CREBBP: variants seen among roughly 807,000 people sequenced by gnomAD.
CREBBP encodes CREB binding lysine acetyltransferase.
A neutral mutation model predicts 265.0 loss-of-function variants in CREBBP; 19 were observed. The ratio of observed to expected loss-of-function variants is 0.07; its 90% CI spans 0.05 to 0.11. CREBBP has a LOEUF of 0.11. Among genes scored for constraint, CREBBP ranks in the 10% least tolerant of loss-of-function variants. The pLI is 1.00. For synonymous variants in CREBBP, 1,457 were observed against 1,223.7 expected (o/e 1.19, Z -3.98); for missense variants, 2,525 against 3,219.0 (o/e 0.78, Z 5.22).
At chr16:3,843,160 G>A (rs1351817485) in intron 2 of CREBBP, among the ~76,000 whole-genome samples, 1 of 152,144 alleles carries the variant, frequency 6.6e-6, no homozygotes, top group East Asian at 1.9e-4. Context: ...TTGCATTAGT[G>A]TTAACAGGCC....
At chr16:3,737,458 T>G (rs927677527) in intron 26 of CREBBP, among the ~76,000 whole-genome samples, 2 of 150,648 alleles carry the variant, frequency 1.3e-5, no homozygotes, top group Non-Finnish European at 3.0e-5. Flanking sequence ...CTTTTTTCTT[T>G]TTTTTTTTTT....
intron 24 of CREBBP, among the ~76,000 whole-genome samples, chr16:3,739,955 C>T (rs999390406): frequency 2.0e-5 from 3 of 152,324 alleles, no homozygotes; most frequent in African/African-American, 7.2e-5. Flanking sequence ...GAATGAAATA[C>T]GGGATTCTGA....
At position 3,756,654 on chromosome 16, in the gene CREBBP, T is replaced by A. The variant is rs13329840; in HGVS notation, c.3698+634A>T. On this transcript the variant is annotated intron_variant, in intron 19 of 30. Transcript: ENST00000262367. ...TTGTATCGTGCTGCTAGTGTAAAAT[T>A]TAAAAATAAAGATCATGGACCCTTT... Among the ~76,000 whole-genome samples the A allele has an allele frequency of 5.0e-3, 769 of 152,278 alleles. 9 individuals are homozygous for A. Among genetic ancestry groups the A allele is most frequent in the African/African-American group, 0.017 (725 of 41,568 alleles).
intron 23 of CREBBP, among the ~76,000 whole-genome samples, chr16:3,744,172 T>C (rs1446930498): frequency 6.6e-6 from 1 of 152,180 alleles, no homozygotes; most frequent in Non-Finnish European, 1.5e-5. Context: ...TGCAGTAACA[T>C]GTCCAGCCAA....
chr16:3,750,303 T>C (rs2052444403), intron 20 of CREBBP, among the ~76,000 whole-genome samples: 1 of 152,174 alleles, frequency 6.6e-6, no homozygotes, highest in Admixed American at 6.5e-5. Context: ...TTCAGTCACT[T>C]TGGTTTGTTT....
intron 5 of CREBBP, among the ~76,000 whole-genome samples, chr16:3,790,635 C>A (rs1452660864): frequency 6.6e-6 from 1 of 152,108 alleles, no homozygotes; most frequent in African/African-American, 2.4e-5. Context: ...CAGGCGTGAG[C>A]CATTGCGCCT....
Position 3,725,073 on chromosome 16 carries a change from A to G in CREBBP, c.*2645T>C, listed in dbSNP as rs2051708095. On this transcript the variant is annotated 3_prime_UTR_variant, in exon 31 of 31. Transcript: ENST00000262367. ...ACCATCTTTGAATCCAAGTAGTTTTACCATCTTTTATTATAAACACCATCA... is the reference window on the plus strand; with the variant it reads ...ACCATCTTTGAATCCAAGTAGTTTTGCCATCTTTTATTATAAACACCATCA... 8.6e-6 allele frequency: 2 copies of G among 231,676 alleles called. No homozygotes were observed. The highest frequency in any genetic ancestry group is 1.7e-5 in the Non-Finnish European group (2 of 116,834). The allele number at this position is 231,676 out of a possible 1,614,324, so 14.4% of individuals were successfully genotyped here.
At chr16:3,772,301 TA>T (rs149094030) in intron 13 of CREBBP, among the ~76,000 whole-genome samples, 7,744 of 145,730 alleles carry the variant, frequency 0.053, 488 homozygotes, top group African/African-American at 0.15. Flanking sequence ...ATTAAAAATT[TA>T]AAAAAAAAAT....
At chr16:3,829,047 T>A (rs1488407105) in intron 2 of CREBBP, among the ~76,000 whole-genome samples, 3 of 150,156 alleles carry the variant, frequency 2.0e-5, no homozygotes, top group African/African-American at 7.5e-5. Context: ...TACATAATTT[T>A]GAAAAATGCA....
At chr16:3,813,063 A>T (rs2053968379) in intron 2 of CREBBP, 1 of 228,854 alleles carries the variant, frequency 4.4e-6, no homozygotes, top group Admixed American at 5.7e-5. Context: ...TTCAGCTCTA[A>T]AAGTCTAGGC....
In CREBBP at chr16:3,728,423, TTGTTGCTGCTGC is replaced by T. The variant is rs750150018; in HGVS notation, c.6612_6623del (p.Gln2213_Gln2216del). The T allele has an allele frequency of 1.6e-4, 261 of 1,612,542 alleles. No homozygotes were observed. Among genetic ancestry groups the T allele is most frequent in the South Asian group, 4.7e-4 (43 of 90,932 alleles). ...CTTGCTGCTGCTGCTGTTGCTGCTGTTGTTGCTGCTGCTGTTGCTGCTGCTGCTGCAGCAGCT... is the reference window on the plus strand; with the variant it reads ...CTTGCTGCTGCTGCTGTTGCTGCTGTTGTTGCTGCTGCTGCTGCAGCAGCT... On this transcript the variant is annotated inframe_deletion, in exon 31 of 31. Coordinates refer to ENST00000262367, the MANE Select transcript of CREBBP (RefSeq NM_004380.3). This position sits in a 1 kb window ranked among gnomAD's most constrained non-coding sequence, Gnocchi z 8.7.
chr16:3,734,072 C>T (rs1287319541), intron 28 of CREBBP, among the ~76,000 whole-genome samples: 1 of 152,172 alleles, frequency 6.6e-6, no homozygotes, highest in African/African-American at 2.4e-5. Flanking sequence ...TGGAGCTTTC[C>T]CTGGGCACAT....
chr16:3,747,404 T>A (rs1029451058), intron 21 of CREBBP, among the ~76,000 whole-genome samples: 5 of 152,244 alleles, frequency 3.3e-5, no homozygotes, highest in Non-Finnish European at 7.3e-5. Flanking sequence ...TGTTCTTTCA[T>A]GCCTTTGTTT....
intron 21 of CREBBP, among the ~76,000 whole-genome samples, chr16:3,748,416 C>T (rs1055742988): frequency 6.6e-6 from 1 of 152,228 alleles, no homozygotes. Context: ...GGTGGGCGCT[C>T]TGCCCTGGCA....
chr16:3,762,435 C>T (rs1383102803), intron 16 of CREBBP, among the ~76,000 whole-genome samples: 2 of 145,838 alleles, frequency 1.4e-5, no homozygotes, highest in Non-Finnish European at 3.0e-5. Flanking sequence ...GCAATCTCGG[C>T]CCCCAAAGTG....
chr16:3,850,950 C>T lies in CREBBP; in HGVS notation c.145G>A (p.Gly49Arg). The change falls in exon 2 of 31, where the codon GGA becomes AGA. Residue 49 changes from glycine (G) to arginine (R), a missense_variant. Physicochemically the swap from Gly to Arg is moderately radical, Grantham distance 125 (BLOSUM62 -2). Around this residue, in one of 19 missense-constraint regions of CREBBP, gnomAD observed 356 missense variants for 340.4 expected, o/e 1.05. Transcript: ENST00000262367. ...DLPDELIPNG[G>R]ELGLLNSGNL... ...CCACTGTTTAAAAGGCCTAATTCTC[C>T]TCCATTGGGTATCAGCTCATCAGGA... 1 of 1,614,210 alleles carries T rather than the reference C, an allele frequency of 6.2e-7. No individual in the cohort carries two copies. The highest frequency in any genetic ancestry group is 8.5e-7 in the Non-Finnish European group (1 of 1,180,026).
At chr16:3,868,642 C>T (rs2055228214) in intron 1 of CREBBP, among the ~76,000 whole-genome samples, 1 of 152,208 alleles carries the variant, frequency 6.6e-6, no homozygotes, top group African/African-American at 2.4e-5. Flanking sequence ...TACTCACCCT[C>T]AATGAGCTCT....
chr16:3,852,084 G>C (rs1294823699), intron 1 of CREBBP, among the ~76,000 whole-genome samples: 9 of 122,648 alleles, frequency 7.3e-5, no homozygotes, highest in African/African-American at 2.8e-4. Flanking sequence ...AAGAATGTAT[G>C]TGTGTAACAA....
chr16:3,778,875 A>C lies in CREBBP; in HGVS notation c.1824-58T>G, dbSNP rs540117932. ...TTTTTTTCTTCTTTTTTTTAAAGACATGGGGTTTCGTCCAGGCGCGGTGGC... is the reference window on the plus strand; with the variant it reads ...TTTTTTTCTTCTTTTTTTTAAAGACCTGGGGTTTCGTCCAGGCGCGGTGGC... On this transcript the variant is annotated intron_variant, in intron 8 of 30. Coordinates refer to ENST00000262367, the MANE Select transcript of CREBBP (RefSeq NM_004380.3). The C allele has an allele frequency of 2.6e-6, 4 of 1,515,260 alleles. No homozygotes were observed. The Admixed American group carries it at 6.8e-5, about 26-fold the overall frequency. 93.9% of individuals were successfully genotyped at this position (1,515,260 alleles called of 1,614,324 possible). A position where few individuals can be genotyped will look rare whatever the true frequency, so the allele number is the denominator to read the frequency against.
Sources: gnomAD v4.1 joint callset for allele counts (sites outside exome capture counted in the v4.1 genomes callset) on GRCh38, gnomAD v4.1.1 for gene constraint, gnomAD v4.1.1 regional missense constraint, Gnocchi (gnomAD v3.1) non-coding constraint, MANE v1.5 for transcripts, NCBI Gene and HGNC (gene_info 2026-07-23, HGNC 2026-07-21) for gene names.